GLIS3: variants seen among roughly 807,000 people sequenced by gnomAD.
GLIS3 encodes the protein zinc finger protein GLIS3.
GLIS3 carries 53 observed loss-of-function variants against 78.6 expected under a neutral mutation model. That is an observed-to-expected ratio of 0.67 (90% CI 0.54 to 0.85). GLIS3 has a LOEUF of 0.85. GLIS3 is among the 40% of genes least tolerant of loss of function. The pLI is 0.00. For missense variants in GLIS3, 1,703 were observed against 1,231.1 expected (o/e 1.38, Z -5.74); for synonymous variants, 684 against 509.9 (o/e 1.34, Z -4.60).
intron 3 of GLIS3, among the ~76,000 whole-genome samples, chr9:4,121,620 GAC>G (rs767610111): frequency 0.11 from 15,324 of 141,936 alleles, 876 homozygotes; most frequent in Middle Eastern, 0.17. Context: ...TTCTCCCAGT[GAC>G]ACACACACAC....
At chr9:4,454,979 A>T in the GLIS3 span, among the ~76,000 whole-genome samples, 1 of 152,180 alleles carries the variant, frequency 6.6e-6, no homozygotes, top group Non-Finnish European at 1.5e-5. Context: ...TTATCTCCTC[A>T]AAACTATTAA....
intron 2 of GLIS3, chr9:4,145,038 G>C (rs1053603385): frequency 3.3e-5 from 5 of 152,330 alleles, no homozygotes; most frequent in African/African-American, 1.2e-4. Flanking sequence ...AGCGAAGTGA[G>C]CCCATTGAAA....
At chr9:4,126,425 C>G (rs1325286140) in intron 2 of GLIS3, among the ~76,000 whole-genome samples, 1 of 152,214 alleles carries the variant, frequency 6.6e-6, no homozygotes, top group African/African-American at 2.4e-5. Flanking sequence ...CTGTGTCTCT[C>G]TACTCTTGAT....
At position 3,851,899 on chromosome 9, in the gene GLIS3, T is replaced by C. The variant is rs142978019; in HGVS notation, c.2473+4110A>G. 5.2e-3 allele frequency among the ~76,000 whole-genome samples: 786 copies of C among 152,274 alleles called. 10 individuals carry two copies. Among genetic ancestry groups the C allele is most frequent in the African/African-American group, 0.017 (711 of 41,544 alleles). ...GGCTCATGCCTGTAATCCCAGCACT[T>C]TGGGAGGCCAAGGTGGGCAGATTGC... On this transcript the variant is annotated intron_variant, in intron 9 of 10. Transcript: ENST00000381971.
At chr9:4,395,631 A>G in the GLIS3 span, among the ~76,000 whole-genome samples, 109 of 152,304 alleles carry the variant, frequency 7.2e-4, no homozygotes, top group South Asian at 5.6e-3. Context: ...GGCAACCAAA[A>G]TATCTCCAGC....
In GLIS3 at chr9:4,070,840, G is replaced by A. The variant is rs73390502; in HGVS notation, c.1710+46928C>T. The A allele has an allele frequency of 3.5e-3, 532 of 152,248 alleles. 2 individuals carry two copies. Among genetic ancestry groups the A allele is most frequent in the African/African-American group, 0.012 (504 of 41,542 alleles). 9.4% of individuals were successfully genotyped at this position (152,248 alleles called of 1,614,324 possible). A position where few individuals can be genotyped will look rare whatever the true frequency, so the allele number is the denominator to read the frequency against. On this transcript the variant is annotated intron_variant, in intron 4 of 10. Transcript: ENST00000381971. ...AGAATGCTTTTTACAGTTCTTTTAT[G>A]GGCTAGGTATAAAAGCCTAGGTAAG...
chr9:4,145,596 A>G (rs1834160846), intron 2 of GLIS3, among the ~76,000 whole-genome samples: 1 of 152,192 alleles, frequency 6.6e-6, no homozygotes, highest in Admixed American at 6.5e-5. Flanking sequence ...CCTAAGAGGC[A>G]TGAACACCGA....
At position 4,117,748 on chromosome 9, in the gene GLIS3, C is replaced by T. The variant is rs754163359; in HGVS notation, c.1710+20G>A. The T allele has an allele frequency of 1.2e-5, 20 of 1,614,046 alleles. No homozygotes were observed. The highest frequency in any genetic ancestry group is 1.7e-5 in the Admixed American group (1 of 60,004). On this transcript the variant is annotated intron_variant, in intron 4 of 10. Transcript: ENST00000381971. The stretch of plus-strand genomic sequence containing the variant: ...GCCGGGCCTTCAAGAGAGGTCACCC[C>T]TTGCGCTTCGGAAACTCACCGTACA...
intron 4 of GLIS3, among the ~76,000 whole-genome samples, chr9:4,307,149 A>C (rs903052472): frequency 2.1e-4 from 32 of 152,300 alleles, no homozygotes; most frequent in African/African-American, 7.2e-4. Flanking sequence ...ATCTCATTTA[A>C]TTCTCACAGT....
chr9:4,335,633 A>C (rs1383814710), intron 2 of GLIS3, among the ~76,000 whole-genome samples: 1 of 152,186 alleles, frequency 6.6e-6, no homozygotes, highest in African/African-American at 2.4e-5. Context: ...TAGTACCCTA[A>C]GTAGCCCGGG....
intron 9 of GLIS3, among the ~76,000 whole-genome samples, chr9:3,851,516 G>C (rs1819431022): frequency 6.6e-6 from 1 of 152,204 alleles, no homozygotes; most frequent in Middle Eastern, 3.2e-3. Context: ...CCTGAGCTCT[G>C]GTCCTGGGTC....
chr9:4,161,823 G>A (rs553163701), intron 2 of GLIS3, among the ~76,000 whole-genome samples: 2 of 149,210 alleles, frequency 1.3e-5, no homozygotes, highest in African/African-American at 5.0e-5. Context: ...GGGATTACAG[G>A]TGCATGTCAC....
At chr9:3,871,294 T>G (rs541637306) in intron 8 of GLIS3, among the ~76,000 whole-genome samples, 6 of 152,296 alleles carry the variant, frequency 3.9e-5, no homozygotes, top group Middle Eastern at 3.4e-3. Context: ...AGGCGCACAG[T>G]GCAAGCTATT....
chr9:4,102,463 G>A (rs566363851), intron 4 of GLIS3, among the ~76,000 whole-genome samples: 33 of 152,124 alleles, frequency 2.2e-4, no homozygotes, highest in Non-Finnish European at 3.4e-4. Flanking sequence ...TCAACCAGGG[G>A]CAGTTTTTCT....
chr9:4,162,818 C>G (rs1441997871), intron 2 of GLIS3, among the ~76,000 whole-genome samples: 1 of 144,866 alleles, frequency 6.9e-6, no homozygotes, highest in African/African-American at 2.6e-5. Flanking sequence ...GATTTCACCA[C>G]TGCACTCCAG....
intron 2 of GLIS3, among the ~76,000 whole-genome samples, chr9:4,226,312 CTCCGTAAAGATAGG>C: frequency 6.6e-6 from 1 of 152,264 alleles, no homozygotes; most frequent in South Asian, 2.1e-4. Context: ...AACTATAAAA[CTCCGTAAAGATAGG>C]TCCATATACA....
At chr9:4,116,739 T>C (rs1831668840) in intron 4 of GLIS3, among the ~76,000 whole-genome samples, 1 of 152,244 alleles carries the variant, frequency 6.6e-6, no homozygotes, top group Admixed American at 6.5e-5. Flanking sequence ...TTTAAATTGA[T>C]TTATATATTT....
At chr9:4,233,197 C>T (rs1361902823) in intron 2 of GLIS3, among the ~76,000 whole-genome samples, 1 of 152,164 alleles carries the variant, frequency 6.6e-6, no homozygotes, top group Non-Finnish European at 1.5e-5. Flanking sequence ...AACCCTGATG[C>T]TCTTGGTTAG....
the GLIS3 span, among the ~76,000 whole-genome samples, chr9:4,437,175 T>A: frequency 3.3e-5 from 5 of 152,210 alleles, no homozygotes; most frequent in African/African-American, 1.2e-4. Context: ...ATTTGAATCC[T>A]TTCATGGTTT....
Sources: allele counts gnomAD v4.1 joint callset (sites outside exome capture counted in the v4.1 genomes callset), GRCh38; gene constraint gnomAD v4.1.1; transcripts MANE v1.5; gene names NCBI Gene and HGNC (gene_info 2026-07-23, HGNC 2026-07-21).